The following SGIP1 variants were observed in gnomAD, a reference collection of about 807,000 sequenced individuals.
SGIP1 encodes SH3GL interacting endocytic adaptor 1.
A neutral mutation model predicts 107.5 loss-of-function variants in SGIP1; 38 were observed. That is an observed-to-expected ratio of 0.35 (90% CI 0.27 to 0.46). The LOEUF is 0.46. Among genes scored for constraint, SGIP1 ranks in the 20% least tolerant of loss-of-function variants. SGIP1 has a pLI of 1.00. For missense variants in SGIP1, 929 were observed against 1,019.5 expected, an observed-to-expected ratio of 0.91 and a Z score of 1.21; for synonymous variants, 365 against 366.1, an observed-to-expected ratio of 1.00 and a Z score of 0.03.
intron 9 of SGIP1, among the ~76,000 whole-genome samples, chr1:66,667,994 C>A (rs949195236): frequency 3.0e-4 from 46 of 152,246 alleles, no homozygotes; most frequent in African/African-American, 1.1e-3. Flanking sequence ...CCATAACTTA[C>A]AATGATCAGA....
At chr1:66,657,401 T>G (rs148083544) in intron 7 of SGIP1, among the ~76,000 whole-genome samples, 3 of 152,296 alleles carry the variant, frequency 2.0e-5, no homozygotes, top group African/African-American at 7.2e-5. Flanking sequence ...GAAACCTTCA[T>G]GTAAGTGACC....
intron 18 of SGIP1, among the ~76,000 whole-genome samples, chr1:66,718,563 C>T (rs2093366619): frequency 6.6e-6 from 1 of 152,090 alleles, no homozygotes. Flanking sequence ...ATACCTATCC[C>T]ACAGGGCTGA....
chr1:66,617,450 A>G (rs2069656398), intron 1 of SGIP1, among the ~76,000 whole-genome samples: 1 of 152,242 alleles, frequency 6.6e-6, no homozygotes, highest in African/African-American at 2.4e-5. Context: ...GCTGATACAC[A>G]AAGCACCTTA....
chr1:66,679,491 T>C (rs2086175484), intron 13 of SGIP1, among the ~76,000 whole-genome samples, 187 bp from the exon 14 acceptor site: 1 of 152,226 alleles, frequency 6.6e-6, no homozygotes, highest in Non-Finnish European at 1.5e-5. Context: ...TCTCATAAAA[T>C]GGAACAATCT....
At chr1:66,645,844 G>A (rs1571178359) in intron 7 of SGIP1, among the ~76,000 whole-genome samples, 1 of 151,982 alleles carries the variant, frequency 6.6e-6, no homozygotes, top group East Asian at 1.9e-4. Flanking sequence ...AGATAGTTTT[G>A]TTGTTGTTGT....
At chr1:66,741,202 A>T (rs145701339) in intron 23 of SGIP1, 70 bp from the exon 24 acceptor site, 2 of 1,452,884 alleles carry the variant, frequency 1.4e-6, no homozygotes, top group East Asian at 2.4e-5. Flanking sequence ...TAACTTTTGA[A>T]TGCAACCTCC....
At position 66,635,974 on chromosome 1, in the gene SGIP1, A is replaced by G; in HGVS notation, c.130A>G (p.Ser44Gly). The change falls in exon 4 of 25, where the codon AGC becomes GGC. Residue 44 changes from serine to glycine, a missense_variant. Around this residue, in one of 2 missense-constraint regions of SGIP1, gnomAD observed 588 missense variants for 588.6 expected, o/e 1.00. Coordinates refer to ENST00000371037, the MANE Select transcript of SGIP1 (RefSeq NM_032291.4). ...QPSPHEPPYNSKAECAREGGK... is the reference protein window; with the variant it reads ...QPSPHEPPYNGKAECAREGGK... ...CAGCCCACACGAACCACCCTACAAT[A>G]GCAAAGCAGAGTGTGCGCGTGAAGG... The G allele has an allele frequency of 1.2e-6, 2 of 1,613,978 alleles. No homozygotes were observed. Among genetic ancestry groups the G allele is most frequent in the South Asian group, 1.1e-5 (1 of 91,066 alleles).
At chr1:66,539,353 T>A (rs1225142165) in intron 1 of SGIP1, among the ~76,000 whole-genome samples, 1 of 152,172 alleles carries the variant, frequency 6.6e-6, no homozygotes, top group Non-Finnish European at 1.5e-5. Context: ...GGGCACATAA[T>A]GGCAAGCTTT....
rs1322278264 is a variant in SGIP1 at position 66,748,537 on chromosome 1, T to C, written c.*5442T>C. On this transcript the variant is annotated 3_prime_UTR_variant, in exon 25 of 25. Transcript: ENST00000371037. ...CCTATTTGTTGGCATTGACCATGGG[T>C]ATAATAATTTATTCTCTAGGTTTAA... Among the ~76,000 whole-genome samples, 1 of 151,998 alleles carries C rather than the reference T, an allele frequency of 6.6e-6. No homozygotes were observed. The highest frequency in any genetic ancestry group is 2.4e-5 in the African/African-American group (1 of 41,444).
In SGIP1 at chr1:66,692,140, GAC is replaced by G. The variant is rs571787175; in HGVS notation, c.1570+1826_1570+1827del. 3.5e-3 allele frequency among the ~76,000 whole-genome samples: 479 copies of G among 134,960 alleles called. 2 individuals carry two copies. The highest frequency in any genetic ancestry group is 0.012 in the African/African-American group (426 of 35,070). 88.5% of individuals were successfully genotyped at this position (134,960 alleles called of 152,430 possible). A position where few individuals can be genotyped will look rare whatever the true frequency, so the allele number is the denominator to read the frequency against. The stretch of plus-strand genomic sequence containing the variant: ...TACCACTGCATACTCCAGCCTAGGC[GAC>G]AGAGTGAGACTCCATCTCAAAAAAA... On this transcript the variant is annotated intron_variant, in intron 17 of 24. Coordinates refer to ENST00000371037, the MANE Select transcript of SGIP1 (RefSeq NM_032291.4).
Position 66,543,550 on chromosome 1 carries a change from C to T in SGIP1, c.10+9182C>T, listed in dbSNP as rs769577045. On this transcript the variant is annotated intron_variant, in intron 1 of 24. Coordinates refer to ENST00000371037, the MANE Select transcript of SGIP1 (RefSeq NM_032291.4). The stretch of plus-strand genomic sequence containing the variant: ...GACTTGGAGCCCATGGTGTTTTTCA[C>T]GTTCAAAGGTGCTGAGGCTGGCTGG... 2.0e-5 allele frequency among the ~76,000 whole-genome samples: 3 copies of T among 152,168 alleles called. No homozygotes were observed. The South Asian group carries it at 6.2e-4, about 32-fold the overall frequency.
intron 15 of SGIP1, among the ~76,000 whole-genome samples, chr1:66,684,470 T>C (rs976445295): frequency 3.3e-5 from 5 of 152,200 alleles, no homozygotes; most frequent in African/African-American, 1.2e-4. Context: ...AGAACCACTA[T>C]GTAAATCCTC....
intron 7 of SGIP1, among the ~76,000 whole-genome samples, chr1:66,644,509 A>G (rs756813677): frequency 1.3e-5 from 2 of 152,140 alleles, no homozygotes; most frequent in Non-Finnish European, 2.9e-5. Flanking sequence ...TGAGGAACAG[A>G]TGAAGGCTCT....
chr1:66,710,809 C>T (rs1283858262), intron 18 of SGIP1, among the ~76,000 whole-genome samples: 1 of 151,978 alleles, frequency 6.6e-6, no homozygotes, highest in East Asian at 1.9e-4. Context: ...TAGAATTTAA[C>T]AGAAATTAAA....
At chr1:66,743,019 A>G (rs919762692) in intron 24 of SGIP1, 54 bp from the exon 25 acceptor site, 8 of 1,604,328 alleles carry the variant, frequency 5.0e-6, no homozygotes, top group Middle Eastern at 3.3e-4. Flanking sequence ...CCCATATAAT[A>G]ATTACATTAT....
intron 20 of SGIP1, among the ~76,000 whole-genome samples, chr1:66,729,927 AAG>A (rs2093931223): frequency 6.6e-6 from 1 of 151,864 alleles, no homozygotes; most frequent in African/African-American, 2.4e-5. Flanking sequence ...TCAGCCTCCC[AAG>A]TAGCTGAGAT....
intron 1 of SGIP1, among the ~76,000 whole-genome samples, chr1:66,608,132 T>A (rs1200252067): frequency 3.3e-5 from 5 of 152,202 alleles, no homozygotes; most frequent in Non-Finnish European, 7.4e-5. Flanking sequence ...ATCCATGCCA[T>A]GTTGGCAAAT....
chr1:66,583,915 T>C (rs950134260), intron 1 of SGIP1, among the ~76,000 whole-genome samples: 2 of 152,200 alleles, frequency 1.3e-5, no homozygotes, highest in Non-Finnish European at 2.9e-5. Flanking sequence ...ATGTTTCATC[T>C]CTATGGTGAA....
chr1:66,681,419 T>G (rs1270409500), intron 14 of SGIP1, among the ~76,000 whole-genome samples: 1 of 152,248 alleles, frequency 6.6e-6, no homozygotes, highest in African/African-American at 2.4e-5. Flanking sequence ...AGGCCAACTT[T>G]GACTTCTCAA....
Sources: allele counts gnomAD v4.1 joint callset (sites outside exome capture counted in the v4.1 genomes callset), GRCh38; gene constraint gnomAD v4.1.1; regional missense constraint gnomAD v4.1.1; transcripts MANE v1.5; gene names NCBI Gene and HGNC (gene_info 2026-07-23, HGNC 2026-07-21).